The following PRKRIP1 variants were observed in gnomAD, a reference collection of about 807,000 sequenced individuals.
PRKRIP1 encodes PRKR interacting protein 1.
Under a neutral mutation model 29.3 loss-of-function variants are expected in PRKRIP1, and 29 were observed. The ratio of observed to expected loss-of-function variants is 0.99; its 90% CI spans 0.74 to 1.35. The LOEUF is 1.35. Ranked by LOEUF, PRKRIP1 falls within the 40% of genes most tolerant of loss-of-function variation. The pLI is 0.00. For synonymous variants in PRKRIP1, 90 were observed against 85.1 expected, an observed-to-expected ratio of 1.06 and a Z score of -0.32; for missense variants, 247 against 236.8, an observed-to-expected ratio of 1.04 and a Z score of -0.28.
At chr7:102,420,600 G>T (rs1376820312) in intron 5 of PRKRIP1, among the ~76,000 whole-genome samples, 2 of 152,114 alleles carry the variant, frequency 1.3e-5, no homozygotes, top group Non-Finnish European at 2.9e-5. Flanking sequence ...ACTTGTCTGT[G>T]CCCCCGGTTT....
At chr7:102,417,713 G>T (rs1796591834) in intron 5 of PRKRIP1, among the ~76,000 whole-genome samples, 1 of 150,946 alleles carries the variant, frequency 6.6e-6, no homozygotes. Flanking sequence ...CAAACTCCGG[G>T]CTCAAACAAT....
At chr7:102,424,265 A>G (rs1796778180) in intron 5 of PRKRIP1, among the ~76,000 whole-genome samples, 1 of 152,218 alleles carries the variant, frequency 6.6e-6, no homozygotes, top group Non-Finnish European at 1.5e-5. Context: ...CATGTGCCTC[A>G]AGGAGCATTG....
chr7:102,404,595 C>T lies in PRKRIP1; in HGVS notation c.307-3C>T, dbSNP rs782513320. On this transcript the variant is annotated splice_polypyrimidine_tract_variant and splice_region_variant and intron_variant, in intron 3 of 5. Transcript: ENST00000397912. ...TGTCTAAATGATGTGGGTTTTGTTG[C>T]AGCAAAAATTGGATGCAGAGTTTCA... 3 of 1,612,922 alleles carry T rather than the reference C, an allele frequency of 1.9e-6. No individual in the cohort carries two copies. Among genetic ancestry groups the T allele is most frequent in the Non-Finnish European group, 2.5e-6 (3 of 1,179,228 alleles).
chr7:102,423,807 G>A (rs782472483), intron 5 of PRKRIP1, among the ~76,000 whole-genome samples: 1 of 152,092 alleles, frequency 6.6e-6, no homozygotes, highest in Non-Finnish European at 1.5e-5. Flanking sequence ...CTCATGAGTA[G>A]CGAGGACTAT....
chr7:102,397,559 G>A (rs1240315351), intron 1 of PRKRIP1, 61 bp from the exon 2 acceptor site: 2 of 1,321,342 alleles, frequency 1.5e-6, no homozygotes, highest in African/African-American at 1.5e-5. Flanking sequence ...AAAAAGAGAG[G>A]GAGATATATA....
chr7:102,408,053 GGTA>G (rs1362542795), intron 5 of PRKRIP1, among the ~76,000 whole-genome samples: 3 of 152,156 alleles, frequency 2.0e-5, no homozygotes. Context: ...TGAGAAATCT[GGTA>G]GTAGGTGGCA....
chr7:102,417,834 T>C (rs1352421215), intron 5 of PRKRIP1, among the ~76,000 whole-genome samples: 1 of 151,956 alleles, frequency 6.6e-6, no homozygotes, highest in Non-Finnish European at 1.5e-5. Flanking sequence ...TGGCCCAGGC[T>C]GGTCTCAAAC....
chr7:102,407,691 A>G (rs1796269692), intron 5 of PRKRIP1, among the ~76,000 whole-genome samples, 193 bp downstream of exon 5: 1 of 152,188 alleles, frequency 6.6e-6, no homozygotes, highest in Non-Finnish European at 1.5e-5. Flanking sequence ...AAGCAAAAAG[A>G]TACTGGTTCA....
chr7:102,424,177 G>A (rs911403789), intron 5 of PRKRIP1, among the ~76,000 whole-genome samples: 1 of 152,264 alleles, frequency 6.6e-6, no homozygotes, highest in Admixed American at 6.5e-5. Context: ...GAGGCCCTTT[G>A]TCTGACCTTT....
chr7:102,415,259 T>C (rs1382462198), intron 5 of PRKRIP1, among the ~76,000 whole-genome samples: 2 of 152,172 alleles, frequency 1.3e-5, no homozygotes, highest in East Asian at 3.8e-4. Flanking sequence ...TTTTTTGAAA[T>C]GGAGTCTTGC....
At chr7:102,418,932 G>C (rs534609850) in intron 5 of PRKRIP1, among the ~76,000 whole-genome samples, 2 of 151,746 alleles carry the variant, frequency 1.3e-5, no homozygotes, top group African/African-American at 4.8e-5. Context: ...CTGGGCTCAA[G>C]CGATCCTCCG....
intron 3 of PRKRIP1, among the ~76,000 whole-genome samples, chr7:102,403,313 G>GT (rs1326316853): frequency 6.6e-5 from 10 of 152,182 alleles, no homozygotes. Context: ...GGCTTGTTTG[G>GT]TTTGGTTTCT....
At chr7:102,409,828 A>AAAT (rs566438882) in intron 5 of PRKRIP1, among the ~76,000 whole-genome samples, 1,781 of 151,914 alleles carry the variant, frequency 0.012, 47 homozygotes, top group African/African-American at 0.041. Flanking sequence ...TGTCTCAAAA[A>AAAT]AATAATAATA....
At chr7:102,416,085 G>A (rs1202335628) in intron 5 of PRKRIP1, among the ~76,000 whole-genome samples, 28 of 152,106 alleles carry the variant, frequency 1.8e-4, no homozygotes, top group African/African-American at 5.5e-4. Context: ...ACCTTCCTCC[G>A]GCCCCCGGCC....
chr7:102,419,883 GTGTGTGTGTGTGTT>G (rs1267989259), intron 5 of PRKRIP1, among the ~76,000 whole-genome samples: 1 of 119,226 alleles, frequency 8.4e-6, no homozygotes, highest in Non-Finnish European at 1.8e-5. Flanking sequence ...GTGTGTGTGT[GTGTGTGTGTGTGTT>G]TTTGAGATGG....
At chr7:102,424,608 G>A (rs6958795) in intron 5 of PRKRIP1, among the ~76,000 whole-genome samples, 138,693 of 152,256 alleles carry the variant, frequency 0.91, 63,292 homozygotes, top group East Asian at 1. Context: ...CACAGGTTTC[G>A]GAAATCCTTT....
chr7:102,411,357 G>GC (rs1796377587), intron 5 of PRKRIP1, among the ~76,000 whole-genome samples: 1 of 151,534 alleles, frequency 6.6e-6, no homozygotes, highest in Non-Finnish European at 1.5e-5. Flanking sequence ...AGCTGCCGTG[G>GC]TTTTTCTCTG....
At position 102,424,568 on chromosome 7, in the gene PRKRIP1, C is replaced by T. The variant is rs371216610; in HGVS notation, c.458-446C>T. ...TGCTTGGGAGGAGCTGGGAAGCTGG[C>T]GTATGTGTGGGGGGCAGAGCCCTCT... On this transcript the variant is annotated intron_variant, in intron 5 of 5. Transcript: ENST00000397912. Among the ~76,000 whole-genome samples the T allele has an allele frequency of 1.6e-4, 24 of 152,180 alleles. 1 individual carries two copies. The East Asian group carries it at 2.3e-3, about 15-fold the overall frequency.
intron 3 of PRKRIP1, among the ~76,000 whole-genome samples, chr7:102,400,643 T>C (rs1554571078): frequency 6.6e-6 from 1 of 152,038 alleles, no homozygotes; most frequent in Non-Finnish European, 1.5e-5. Flanking sequence ...ACTAACTTTA[T>C]TTATTATTTT....
Sources: gnomAD v4.1 joint callset for allele counts (sites outside exome capture counted in the v4.1 genomes callset) on GRCh38, gnomAD v4.1.1 for gene constraint, MANE v1.5 for transcripts, NCBI Gene and HGNC (gene_info 2026-07-23, HGNC 2026-07-21) for gene names.